The following ADGRL3 variants were observed in gnomAD, a reference collection of about 807,000 sequenced individuals.
ADGRL3 encodes the protein calcium-independent alpha-latrotoxin receptor 3.
In ADGRL3, 62 loss-of-function variants were observed where a neutral mutation model predicts 153.5. The ratio of observed to expected loss-of-function variants is 0.40; its 90% CI spans 0.33 to 0.50. The LOEUF (loss-of-function observed/expected upper bound fraction) is 0.50. Among genes scored for constraint, ADGRL3 ranks in the 20% least tolerant of loss-of-function variants. The probability of loss-of-function intolerance (pLI) is 0.47; values close to 1 mark genes in which losing one functional copy is unlikely to be tolerated. For synonymous variants in ADGRL3, 710 were observed against 672.5 expected (o/e 1.06, Z -0.86); for missense variants, 1,641 against 1,859.4 (o/e 0.88, Z 2.16).
intron 8 of ADGRL3, among the ~76,000 whole-genome samples, chr4:61,754,918 C>A (rs1369293019): frequency 6.6e-6 from 1 of 152,084 alleles, no homozygotes; most frequent in Middle Eastern, 3.2e-3. Context: ...TGGTTACCAG[C>A]TTCATGCATG....
intron 8 of ADGRL3, among the ~76,000 whole-genome samples, chr4:61,764,831 G>A (rs532005678): frequency 4.0e-5 from 6 of 151,844 alleles, no homozygotes; most frequent in South Asian, 2.1e-4. Flanking sequence ...GATTAGGGGC[G>A]GCGTGGGAAC....
At chr4:61,855,266 A>T (rs2098250045) in intron 9 of ADGRL3, among the ~76,000 whole-genome samples, 1 of 152,330 alleles carries the variant, frequency 6.6e-6, no homozygotes, top group African/African-American at 2.4e-5. Flanking sequence ...GTAATAAACT[A>T]GGAACTATCA....
rs747839201 is a variant in ADGRL3 at position 61,947,136 on chromosome 4, A to G, written c.2628+14A>G. ...AAACATATCAAGGTAAGAAAATGGC[A>G]TATTAGCTTGGTTGTTCATATTATC... On this transcript the variant is annotated intron_variant, in intron 16 of 26. Transcript: ENST00000683033. 6 of 1,592,312 alleles carry G rather than the reference A, an allele frequency of 3.8e-6. No homozygotes were observed. Among genetic ancestry groups the G allele is most frequent in the Admixed American group, 1.7e-5 (1 of 59,906 alleles).
In ADGRL3 at chr4:61,701,691, C is replaced by T. The variant is rs182565674; in HGVS notation, c.583+24756C>T. Among the ~76,000 whole-genome samples, 3 of 152,126 alleles carry T rather than the reference C, an allele frequency of 2.0e-5. No homozygotes were observed. In the East Asian group the frequency reaches 5.8e-4, roughly 30 times the overall value. On this transcript the variant is annotated intron_variant, in intron 6 of 26. Transcript: ENST00000683033. ...ACCTCAGGTGATACACCTGCCTCAT[C>T]CTCCCAAAGTGCTGGGATTGCAGAC...
chr4:61,878,739 C>G (rs2098491057), intron 9 of ADGRL3, among the ~76,000 whole-genome samples: 1 of 152,116 alleles, frequency 6.6e-6, no homozygotes, highest in Non-Finnish European at 1.5e-5. Flanking sequence ...GAGTTGTTGT[C>G]AAGCAAAACA....
intron 6 of ADGRL3, among the ~76,000 whole-genome samples, chr4:61,715,194 T>G (rs559758672): frequency 1.3e-5 from 2 of 152,310 alleles, no homozygotes; most frequent in East Asian, 3.9e-4. Flanking sequence ...CAAAATCTGC[T>G]TCTTTCTTAC....
chr4:61,449,303 A>C (rs2152511124), intron 2 of ADGRL3, among the ~76,000 whole-genome samples: 1 of 151,842 alleles, frequency 6.6e-6, no homozygotes, highest in Admixed American at 6.6e-5. Flanking sequence ...CGCCCAGCTA[A>C]TTTTTGTATT....
chr4:61,241,141 A>G (rs1287552658), intron 1 of ADGRL3, among the ~76,000 whole-genome samples: 5 of 152,056 alleles, frequency 3.3e-5, no homozygotes, highest in Admixed American at 1.3e-4. Flanking sequence ...AATCTTTTAT[A>G]ATTCCTAGGA....
At chr4:61,825,404 C>T (rs2097791447) in intron 9 of ADGRL3, among the ~76,000 whole-genome samples, 1 of 152,114 alleles carries the variant, frequency 6.6e-6, no homozygotes, top group Non-Finnish European at 1.5e-5. Context: ...AGCAGCAATA[C>T]TCTATTGCTC....
intron 2 of ADGRL3, among the ~76,000 whole-genome samples, chr4:61,391,471 T>C (rs1164293510): frequency 6.6e-6 from 1 of 152,186 alleles, no homozygotes; most frequent in Non-Finnish European, 1.5e-5. Flanking sequence ...CATTTCAACA[T>C]GATGTTTGGA....
intron 9 of ADGRL3, among the ~76,000 whole-genome samples, chr4:61,869,525 G>A (rs2149362463): frequency 6.6e-6 from 1 of 151,974 alleles, no homozygotes; most frequent in East Asian, 2.0e-4. Flanking sequence ...GTGAACCCGG[G>A]AAGCGGAGCT....
At chr4:61,312,316 A>G (rs1367527900) in intron 1 of ADGRL3, among the ~76,000 whole-genome samples, 1 of 152,230 alleles carries the variant, frequency 6.6e-6, no homozygotes, top group Non-Finnish European at 1.5e-5. Context: ...AAAACTATAC[A>G]TATCCTAGAA....
intron 4 of ADGRL3, among the ~76,000 whole-genome samples, chr4:61,569,015 A>G (rs1472300516): frequency 2.6e-5 from 4 of 152,144 alleles, no homozygotes; most frequent in Non-Finnish European, 5.9e-5. Context: ...AGTGAATCTC[A>G]TATAGCAAGC....
At chr4:61,946,254 G>C (rs970720147) in intron 15 of ADGRL3, among the ~76,000 whole-genome samples, 1 of 152,030 alleles carries the variant, frequency 6.6e-6, no homozygotes, top group Non-Finnish European at 1.5e-5. Context: ...CAATTTTAGA[G>C]ATTCTTGTGG....
chr4:61,645,429 G>T (rs890834099), intron 5 of ADGRL3, among the ~76,000 whole-genome samples: 1 of 150,898 alleles, frequency 6.6e-6, no homozygotes, highest in African/African-American at 2.4e-5. Context: ...GGTACCGGTT[G>T]TTCCTTTCCA....
intron 1 of ADGRL3, among the ~76,000 whole-genome samples, chr4:61,253,092 A>G (rs1056455421): frequency 6.6e-6 from 1 of 152,186 alleles, no homozygotes; most frequent in Non-Finnish European, 1.5e-5. Context: ...TTCTGAAAAC[A>G]TACCTGGGCC....
At chr4:61,431,906 A>C (rs1162851458) in intron 2 of ADGRL3, among the ~76,000 whole-genome samples, 2 of 152,160 alleles carry the variant, frequency 1.3e-5, no homozygotes, top group Non-Finnish European at 2.9e-5. Flanking sequence ...TCATAAGTAA[A>C]ATGGGGACAA....
intron 17 of ADGRL3, among the ~76,000 whole-genome samples, chr4:61,950,417 T>G (rs1026158591): frequency 6.6e-6 from 1 of 152,146 alleles, no homozygotes; most frequent in Non-Finnish European, 1.5e-5. Flanking sequence ...AGAAAAGTTG[T>G]GAAGAACATT....
Position 61,566,108 on chromosome 4 carries a change from C to T in ADGRL3, c.260-21119C>T, listed in dbSNP as rs145155118. 6.8e-4 allele frequency among the ~76,000 whole-genome samples: 103 copies of T among 152,186 alleles called. No homozygotes were observed. In the East Asian group the frequency reaches 0.01, roughly 15 times the overall value. ...TGCTAGAGCCACCTTAACAAAGAACCGTAAACTGGGTGCCTTAAAAATAGA... is the reference window on the plus strand; with the variant it reads ...TGCTAGAGCCACCTTAACAAAGAACTGTAAACTGGGTGCCTTAAAAATAGA... On this transcript the variant is annotated intron_variant, in intron 4 of 26. Coordinates refer to ENST00000683033, the MANE Select transcript of ADGRL3 (RefSeq NM_001387552.1).
Sources: allele counts gnomAD v4.1 joint callset (sites outside exome capture counted in the v4.1 genomes callset), GRCh38; gene constraint gnomAD v4.1.1; transcripts MANE v1.5; gene names NCBI Gene and HGNC (gene_info 2026-07-23, HGNC 2026-07-21).